The following ERI1 variants were observed in gnomAD, a reference collection of about 807,000 sequenced individuals.
ERI1 encodes the protein 3'-5' exoribonuclease 1.
A neutral mutation model predicts 39.7 loss-of-function variants in ERI1; 39 were observed. The ratio of observed to expected loss-of-function variants is 0.98; its 90% CI spans 0.76 to 1.28. The LOEUF (loss-of-function observed/expected upper bound fraction) is 1.28, where lower values mean the gene tolerates loss of function less well. ERI1 is among the 50% of genes most tolerant of loss of function. The pLI, the probability that ERI1 is intolerant of heterozygous loss-of-function variation, is 0.00. For missense variants in ERI1, 581 were observed against 416.9 expected (o/e 1.39, Z -3.43); for synonymous variants, 204 against 149.6 (o/e 1.36, Z -2.65).
chr8:9,063,555 G>C (rs1423085177), intron 3 of ERI1, among the ~76,000 whole-genome samples: 1 of 152,128 alleles, frequency 6.6e-6, no homozygotes, highest in Non-Finnish European at 1.5e-5. Context: ...CTGTAGAAAA[G>C]GAAGATTAGA....
chr8:9,064,370 T>G (rs1798801993), intron 3 of ERI1, among the ~76,000 whole-genome samples: 1 of 152,100 alleles, frequency 6.6e-6, no homozygotes, highest in Non-Finnish European at 1.5e-5. Flanking sequence ...GCAGGCGTCC[T>G]TGAGTGGTCA....
At chr8:9,095,506 G>GTTTA (rs1431477266) in intron 3 of ERI1, among the ~76,000 whole-genome samples, 1 of 151,788 alleles carries the variant, frequency 6.6e-6, no homozygotes, top group Non-Finnish European at 1.5e-5. Flanking sequence ...TTGTTTGTTT[G>GTTTA]TTTGTTTGTT....
intron 4 of ERI1, among the ~76,000 whole-genome samples, chr8:9,017,114 A>C (rs1410221727): frequency 6.6e-6 from 1 of 152,036 alleles, no homozygotes; most frequent in African/African-American, 2.4e-5. Flanking sequence ...ATCTTGGCTC[A>C]CTGCAACCTC....
At chr8:9,004,352 T>C (rs903391340) in intron 1 of ERI1, 3 of 972,172 alleles carry the variant, frequency 3.1e-6, no homozygotes, top group Non-Finnish European at 3.9e-6. Context: ...GAAGTGTGTT[T>C]GAATATGCTT....
chr8:9,061,301 C>T (rs1798687296), intron 3 of ERI1, among the ~76,000 whole-genome samples: 1 of 152,034 alleles, frequency 6.6e-6, no homozygotes, highest in African/African-American at 2.4e-5. Context: ...ATGTGGTATC[C>T]AGAATAATGT....
At chr8:9,081,665 T>C (rs1228430011) in intron 3 of ERI1, among the ~76,000 whole-genome samples, 1 of 146,486 alleles carries the variant, frequency 6.8e-6, no homozygotes, top group Non-Finnish European at 1.5e-5. Flanking sequence ...ATTTCTTCCT[T>C]TCCTCTTCTT....
In ERI1 at chr8:9,053,335, T is replaced by G. The variant is rs1291621184; in HGVS notation, n.299+32871T>G. Among the ~76,000 whole-genome samples the G allele has an allele frequency of 2.6e-5, 4 of 152,146 alleles. No individual in the cohort carries two copies. In the South Asian group the frequency reaches 8.3e-4, roughly 32 times the overall value. On this transcript the variant is annotated intron_variant and non_coding_transcript_variant, in intron 3 of 3. Coordinates refer to the ERI1 transcript ENST00000518663. ...CCCAGCCAGTGGCTAATGATTTAGC[T>G]GATCATGCCTAAGTCATGACACCTC...
chr8:9,016,839 A>C (rs1055928494), intron 4 of ERI1, among the ~76,000 whole-genome samples: 4 of 150,900 alleles, frequency 2.7e-5, no homozygotes, highest in African/African-American at 9.8e-5. Context: ...GCGCGTTGCC[A>C]CCACACCCGG....
chr8:9,066,163 T>C (rs1798870770), intron 3 of ERI1, among the ~76,000 whole-genome samples: 2 of 152,210 alleles, frequency 1.3e-5, no homozygotes, highest in Non-Finnish European at 2.9e-5. Context: ...TTCCTCCTCC[T>C]CTTCCTCCCC....
chr8:9,072,871 T>C (rs553884510), intron 3 of ERI1, among the ~76,000 whole-genome samples: 7 of 152,300 alleles, frequency 4.6e-5, no homozygotes, highest in African/African-American at 1.2e-4. Context: ...AGTCTTGACT[T>C]AGTCTTGAGG....
At chr8:9,053,989 G>T (rs1380688108) in intron 3 of ERI1, among the ~76,000 whole-genome samples, 2 of 152,102 alleles carry the variant, frequency 1.3e-5, no homozygotes, top group African/African-American at 4.8e-5. Flanking sequence ...GTGATAGGGG[G>T]GTAAACAACA....
At chr8:9,079,263 T>C (rs1799300770) in intron 3 of ERI1, among the ~76,000 whole-genome samples, 1 of 152,280 alleles carries the variant, frequency 6.6e-6, no homozygotes, top group Non-Finnish European at 1.5e-5. Flanking sequence ...GAGCAGAAGA[T>C]GAAGCACTGA....
chr8:9,031,223 C>G lies in ERI1; in HGVS notation c.*1189C>G, dbSNP rs1043720777. The G allele has an allele frequency of 1.3e-5, 2 of 152,062 alleles. No homozygotes were observed. Among genetic ancestry groups the G allele is most frequent in the African/African-American group, 4.8e-5 (2 of 41,398 alleles). 9.4% of individuals were successfully genotyped at this position (152,062 alleles called of 1,614,324 possible). ...TATTCTAAAGATTTATATTTTATAACCAGATGAATTTCCTCAAAGGTTTCC... is the reference window on the plus strand; with the variant it reads ...TATTCTAAAGATTTATATTTTATAAGCAGATGAATTTCCTCAAAGGTTTCC... On this transcript the variant is annotated 3_prime_UTR_variant, in exon 7 of 7. Transcript: ENST00000250263.
intron 3 of ERI1, among the ~76,000 whole-genome samples, chr8:9,098,440 C>T (rs1223743357): frequency 6.6e-6 from 1 of 152,162 alleles, no homozygotes; most frequent in Non-Finnish European, 1.5e-5. Context: ...ATCGCTTGAA[C>T]CCGGGACGCA....
At chr8:9,092,659 G>A (rs1235498800) in intron 3 of ERI1, among the ~76,000 whole-genome samples, 2 of 152,200 alleles carry the variant, frequency 1.3e-5, no homozygotes, top group Admixed American at 6.5e-5. Context: ...AGGAACCAGG[G>A]CTGTGAGCAG....
intron 6 of ERI1, among the ~76,000 whole-genome samples, chr8:9,025,494 T>C (rs1335874362): frequency 1.3e-5 from 2 of 152,246 alleles, no homozygotes; most frequent in Admixed American, 6.5e-5. Flanking sequence ...ATCTGGCCTT[T>C]TTGTTTTCCT....
intron 3 of ERI1, among the ~76,000 whole-genome samples, chr8:9,072,070 G>A (rs544006612): frequency 5.3e-5 from 8 of 152,106 alleles, no homozygotes; most frequent in Non-Finnish European, 1.0e-4. Flanking sequence ...TGTCACACAC[G>A]TACACACACG....
At chr8:9,091,936 C>T (rs993996357) in intron 3 of ERI1, among the ~76,000 whole-genome samples, 1 of 152,132 alleles carries the variant, frequency 6.6e-6, no homozygotes, top group Non-Finnish European at 1.5e-5. Context: ...TCTGAACTTA[C>T]GCTGAAGTGT....
intron 3 of ERI1, among the ~76,000 whole-genome samples, chr8:9,078,387 A>G (rs1340883132): frequency 4.0e-5 from 6 of 151,858 alleles, no homozygotes; most frequent in African/African-American, 9.7e-5. Context: ...CCTCCCTGGG[A>G]GAGTAGTATT....
Sources: allele counts gnomAD v4.1 joint callset (sites outside exome capture counted in the v4.1 genomes callset), GRCh38; gene constraint gnomAD v4.1.1; transcripts MANE v1.5; gene names NCBI Gene and HGNC (gene_info 2026-07-23, HGNC 2026-07-21).